Variants in MICAL3 observed in about 807,000 individuals in gnomAD.
MICAL3 encodes [F-actin]-monooxygenase MICAL3.
In MICAL3, 62 loss-of-function variants were observed where a neutral mutation model predicts 207.4. That is an observed-to-expected ratio of 0.30 (90% CI 0.24 to 0.37). The LOEUF (loss-of-function observed/expected upper bound fraction) is 0.37, where lower values mean the gene tolerates loss of function less well. Among genes scored for constraint, MICAL3 ranks in the 10% least tolerant of loss-of-function variants. The pLI is 1.00. For synonymous variants in MICAL3, 1,077 were observed against 1,069.3 expected (o/e 1.01, Z -0.14); for missense variants, 2,368 against 2,635.6 (o/e 0.90, Z 2.22).
intron 29 of MICAL3, among the ~76,000 whole-genome samples, chr22:17,804,281 AG>A (rs1278393801): frequency 6.6e-6 from 1 of 152,172 alleles, no homozygotes; most frequent in African/African-American, 2.4e-5. Flanking sequence ...CCCCAGGCTG[AG>A]GGCCTGGAGG....
chr22:17,981,939 C>CA (rs894547004), intron 1 of MICAL3, among the ~76,000 whole-genome samples: 3 of 151,786 alleles, frequency 2.0e-5, no homozygotes, highest in African/African-American at 7.3e-5. Flanking sequence ...CTTGCCTCTA[C>CA]AAAAAAATTA....
At chr22:17,809,477 T>C (rs1435906031) in intron 28 of MICAL3, among the ~76,000 whole-genome samples, 2 of 152,050 alleles carry the variant, frequency 1.3e-5, no homozygotes, top group Non-Finnish European at 2.9e-5. Context: ...CTACTAAAAA[T>C]ACAAAAATTA....
intron 29 of MICAL3, among the ~76,000 whole-genome samples, chr22:17,797,836 C>G (rs5992846): frequency 1.3e-5 from 2 of 152,198 alleles, no homozygotes; most frequent in African/African-American, 2.4e-5. Flanking sequence ...GAGGTGGGCA[C>G]AGCCACAGCG....
intron 1 of MICAL3, among the ~76,000 whole-genome samples, chr22:18,011,021 A>ATG (rs35445581): frequency 0.079 from 12,083 of 152,206 alleles, 618 homozygotes; most frequent in Middle Eastern, 0.17. Context: ...TTGAGACTGA[A>ATG]TGTCTCCTCT....
intron 1 of MICAL3, among the ~76,000 whole-genome samples, chr22:17,930,850 C>T (rs922493261): frequency 2.0e-5 from 3 of 152,260 alleles, no homozygotes; most frequent in Admixed American, 2.0e-4. Context: ...CAGCCTGCCC[C>T]ACTCTCCACA....
At position 17,906,427 on chromosome 22, in the gene MICAL3, T is replaced by C. The variant is rs1304411469; in HGVS notation, c.264+122A>G. The C allele has an allele frequency of 1.0e-5, 16 of 1,584,352 alleles. No individual in the cohort carries two copies. The East Asian group carries it at 1.8e-4, about 18-fold the overall frequency. The stretch of plus-strand genomic sequence containing the variant: ...GATGGCTCTGGCACAGAACTTGCCA[T>C]AGAACTTCTTGGCACCCAGACCTTG... On this transcript the variant is annotated intron_variant, in intron 2 of 31. Transcript: ENST00000441493.
intron 1 of MICAL3, among the ~76,000 whole-genome samples, chr22:17,974,973 C>T (rs1457429245): frequency 6.6e-6 from 1 of 152,170 alleles, no homozygotes; most frequent in Non-Finnish European, 1.5e-5. Context: ...CAGAGCTGGG[C>T]CCAGGCAGCT....
chr22:17,891,743 C>A, intron 11 of MICAL3, 111 bp from the exon 12 acceptor site: 1 of 991,824 alleles, frequency 1.0e-6, no homozygotes, highest in Admixed American at 2.3e-5. Flanking sequence ...AGGGTAGGGA[C>A]GAAACAGTCA....
At chr22:17,885,673 C>T (rs12628819) in intron 16 of MICAL3, among the ~76,000 whole-genome samples, 1 of 152,236 alleles carries the variant, frequency 6.6e-6, no homozygotes, top group East Asian at 1.9e-4. Context: ...CACCTCAGGC[C>T]TGAACACTGA....
rs955809803 is a variant in MICAL3 at position 17,961,665 on chromosome 22, T to C, written c.-74-54779A>G. Among the ~76,000 whole-genome samples, 22 of 152,300 alleles carry C rather than the reference T, an allele frequency of 1.4e-4. 1 individual carries two copies. The highest frequency in any genetic ancestry group is 1.0e-3 in the Admixed American group (16 of 15,300). ...TGGGTGCCACTTCAGGAAGCAATCA[T>C]ATCTCCAACATGGCAGGAGGTGGCC... On this transcript the variant is annotated intron_variant, in intron 1 of 31. Transcript: ENST00000441493.
intron 1 of MICAL3, among the ~76,000 whole-genome samples, chr22:17,914,712 T>C (rs1239010680): frequency 6.6e-6 from 1 of 152,198 alleles, no homozygotes; most frequent in Non-Finnish European, 1.5e-5. Context: ...TCCTTTGAAA[T>C]GGAGCCCTTT....
chr22:17,835,403 G>T (rs1923258672), intron 20 of MICAL3, among the ~76,000 whole-genome samples: 1 of 152,262 alleles, frequency 6.6e-6, no homozygotes, highest in Non-Finnish European at 1.5e-5. Flanking sequence ...CCCGGCAGGA[G>T]TTTCCAACTC....
intron 19 of MICAL3, among the ~76,000 whole-genome samples, chr22:17,849,934 G>A (rs1314721395): frequency 4.6e-5 from 7 of 151,694 alleles, no homozygotes; most frequent in African/African-American, 1.7e-4. Flanking sequence ...CTCGTGATCC[G>A]CCCGCCTTAG....
intron 12 of MICAL3, 28 bp from the exon 13 acceptor site, chr22:17,889,258 C>T (rs777987541): frequency 2.6e-6 from 4 of 1,543,194 alleles, no homozygotes; most frequent in Non-Finnish European, 3.6e-6. Flanking sequence ...GAAAACATAT[C>T]AAGATAGGTT....
chr22:17,989,736 G>T (rs1021111310), intron 1 of MICAL3, among the ~76,000 whole-genome samples: 1 of 152,216 alleles, frequency 6.6e-6, no homozygotes, highest in Non-Finnish European at 1.5e-5. Context: ...TGCACAAGAT[G>T]CTTCTGTCTC....
At chr22:17,911,445 C>A (rs192818458) in intron 1 of MICAL3, among the ~76,000 whole-genome samples, 2 of 152,304 alleles carry the variant, frequency 1.3e-5, no homozygotes, top group Admixed American at 1.3e-4. Context: ...CACCAGCGAA[C>A]GTGCAAATTT....
At chr22:17,844,937 C>G (rs963224606) in intron 19 of MICAL3, among the ~76,000 whole-genome samples, 1 of 152,238 alleles carries the variant, frequency 6.6e-6, no homozygotes, top group African/African-American at 2.4e-5. Context: ...ACTAGCTCAT[C>G]ATTCCCAAAT....
intron 19 of MICAL3, among the ~76,000 whole-genome samples, chr22:17,852,287 CTACCCTG>C (rs1925420457): frequency 6.6e-6 from 1 of 152,212 alleles, no homozygotes; most frequent in South Asian, 2.1e-4. Context: ...GTGCCCATGA[CTACCCTG>C]TAAAACGTCA....
At chr22:17,921,049 C>T (rs892097429) in intron 1 of MICAL3, among the ~76,000 whole-genome samples, 2 of 151,974 alleles carry the variant, frequency 1.3e-5, no homozygotes, top group African/African-American at 4.8e-5. Context: ...CCTTGTGGGC[C>T]CCAAGATCTT....
Sources: gnomAD v4.1 joint callset for allele counts (sites outside exome capture counted in the v4.1 genomes callset) on GRCh38, gnomAD v4.1.1 for gene constraint, MANE v1.5 for transcripts, NCBI Gene and HGNC (gene_info 2026-07-23, HGNC 2026-07-21) for gene names.